Variants in GSN observed in about 807,000 individuals in gnomAD.
GSN encodes gelsolin, also known as actin-depolymerizing factor.
In GSN, 56 loss-of-function variants were observed where a neutral mutation model predicts 85.7. That is an observed-to-expected ratio of 0.65 (90% CI 0.53 to 0.82). The LOEUF (loss-of-function observed/expected upper bound fraction) is 0.82. GSN is among the 40% of genes least tolerant of loss of function. GSN has a pLI of 0.00. For missense variants in GSN, 857 were observed against 979.8 expected (o/e 0.87, Z 1.67); for synonymous variants, 373 against 399.1 (o/e 0.93, Z 0.78).
chr9:121,299,769 G>A lies in GSN; in HGVS notation c.-9-2194G>A. On this transcript the variant is annotated intron_variant, in intron 2 of 17. Coordinates refer to ENST00000432226, the MANE Select transcript of GSN (RefSeq NM_198252.3). This position sits in a 1 kb window ranked among gnomAD's most constrained non-coding sequence, Gnocchi z 4.2. The stretch of plus-strand genomic sequence containing the variant: ...CGCCCCGCGCCCTCCCTGGGGGGCG[G>A]TCCCCGGCTTGGGCGGGATGGGCGG... 1 of 1,204,588 alleles carries A rather than the reference G, an allele frequency of 8.3e-7. No individual in the cohort carries two copies. Among genetic ancestry groups the A allele is most frequent in the South Asian group, 2.3e-5 (1 of 43,434 alleles). 74.6% of individuals were successfully genotyped at this position (1,204,588 alleles called of 1,614,324 possible).
intron 4 of GSN, among the ~76,000 whole-genome samples, chr9:121,305,403 AT>A (rs2060296627): frequency 6.6e-6 from 1 of 152,158 alleles, no homozygotes; most frequent in Admixed American, 6.5e-5. Context: ...TGCTTTACTC[AT>A]TTAACTCATT....
chr9:121,322,668 C>T (rs2062623755), intron 11 of GSN, among the ~76,000 whole-genome samples: 1 of 152,172 alleles, frequency 6.6e-6, no homozygotes, highest in South Asian at 2.1e-4. Flanking sequence ...ACCAAGCAAC[C>T]TGTGAGAGTC....
chr9:121,220,859 GA>G (rs1164758432), intron 4 of GSN, among the ~76,000 whole-genome samples: 1 of 152,184 alleles, frequency 6.6e-6, no homozygotes, highest in Non-Finnish European at 1.5e-5. Context: ...TTATGGAAAT[GA>G]AGTTGATTTT....
chr9:121,256,606 G>A (rs940514032), intron 6 of GSN, among the ~76,000 whole-genome samples: 7 of 152,148 alleles, frequency 4.6e-5, no homozygotes, highest in African/African-American at 1.7e-4. Flanking sequence ...GGCTGGGCTC[G>A]GTGGCTTATG....
intron 4 of GSN, among the ~76,000 whole-genome samples, chr9:121,214,202 C>A (rs1316876062): frequency 6.7e-6 from 1 of 149,072 alleles, no homozygotes. Context: ...TCCTTCCTTC[C>A]TTCCTTCCTT....
rs306769 is a variant in GSN, at chr9:121,326,490, T to G, written c.1417-22T>G. 1 of 1,610,128 alleles carries G rather than the reference T, an allele frequency of 6.2e-7. No individual in the cohort carries two copies. Among genetic ancestry groups the G allele is most frequent in the Non-Finnish European group, 8.5e-7 (1 of 1,177,442 alleles). ...AAGCCTGCCCCCAAGGTCCCTGACT[T>G]GCTCTCCTGTCTCCCTGCCAGAGCC... is the stretch of plus-strand genomic sequence containing the variant. On this transcript the variant is annotated intron_variant, in intron 12 of 17. Transcript: ENST00000432226.
chr9:121,316,492 AC>A (rs2061716420), intron 7 of GSN, among the ~76,000 whole-genome samples: 1 of 151,948 alleles, frequency 6.6e-6, no homozygotes, highest in South Asian at 2.1e-4. Context: ...TATTTTTGAG[AC>A]AGAGTCTGGC....
chr9:121,219,037 G>T (rs2054118975), intron 4 of GSN, among the ~76,000 whole-genome samples: 1 of 152,174 alleles, frequency 6.6e-6, no homozygotes, highest in South Asian at 2.1e-4. Context: ...CATGACACCT[G>T]AAGTCCAATA....
At chr9:121,205,624 A>G (rs970887113), upstream of GSN, among the ~76,000 whole-genome samples, 2 of 152,158 alleles carry the variant, frequency 1.3e-5, no homozygotes, top group Admixed American at 1.3e-4. Flanking sequence ...AGAAGTGTCC[A>G]TCAGAGAGGA....
rs113692594 is a variant in GSN at position 121,227,548 on chromosome 9, G to T, written c.-527-3617G>T. Among the ~76,000 whole-genome samples the T allele has an allele frequency of 5.8e-3, 885 of 152,182 alleles. 10 individuals carry two copies. Among genetic ancestry groups the T allele is most frequent in the African/African-American group, 0.02 (845 of 41,508 alleles). ...AAGTGTAGATGATAACCTACTACTTGCAATGTGTATCTGAAGTGGGAAACA... is the reference window on the plus strand; with the variant it reads ...AAGTGTAGATGATAACCTACTACTTTCAATGTGTATCTGAAGTGGGAAACA... On this transcript the variant is annotated intron_variant, in intron 4 of 24. Transcript: ENST00000373823.
intron 5 of GSN, among the ~76,000 whole-genome samples, chr9:121,235,883 G>T (rs1317546607): frequency 6.6e-6 from 1 of 152,194 alleles, no homozygotes; most frequent in Non-Finnish European, 1.5e-5. Flanking sequence ...AAAGCCTTTT[G>T]GTGAACACCT....
intron 2 of GSN, among the ~76,000 whole-genome samples, chr9:121,296,489 A>T (rs962622510): frequency 6.6e-6 from 1 of 152,106 alleles, no homozygotes; most frequent in Non-Finnish European, 1.5e-5. Flanking sequence ...TAGGTCCTGG[A>T]TTTGGTTGTA....
intron 4 of GSN, among the ~76,000 whole-genome samples, chr9:121,214,762 T>G (rs2054029226): frequency 6.6e-6 from 1 of 152,294 alleles, no homozygotes; most frequent in South Asian, 2.1e-4. Context: ...TAAGTTCTTA[T>G]CTTTTCTCTT....
At chr9:121,267,734 C>T (rs1486574827), upstream of GSN, among the ~76,000 whole-genome samples, 1 of 152,210 alleles carries the variant, frequency 6.6e-6, no homozygotes, top group Non-Finnish European at 1.5e-5. Context: ...TGCATGCAGC[C>T]TATGTCACTC....
At chr9:121,287,345 AG>A (rs1449747025) in intron 2 of GSN, among the ~76,000 whole-genome samples, 1 of 152,152 alleles carries the variant, frequency 6.6e-6, no homozygotes, top group Non-Finnish European at 1.5e-5. Context: ...AGGTCTGACC[AG>A]GCCCCTCTCC....
At chr9:121,203,262 A>T (rs905859007), upstream of GSN, 2 of 152,040 alleles carry the variant, frequency 1.3e-5, no homozygotes, top group African/African-American at 4.8e-5. Flanking sequence ...CACTAGATAG[A>T]GTGTCTGCAC....
intron 7 of GSN, 61 bp downstream of exon 7, chr9:121,314,084 G>A: frequency 1.0e-5 from 13 of 1,287,058 alleles, no homozygotes; most frequent in Non-Finnish European, 1.5e-5. Flanking sequence ...TGGAAGACTT[G>A]GTCTTCCCCA....
intron 6 of GSN, among the ~76,000 whole-genome samples, chr9:121,251,058 T>C (rs1173341451): frequency 1.3e-5 from 2 of 151,754 alleles, no homozygotes; most frequent in Non-Finnish European, 2.9e-5. Flanking sequence ...ACTCCTGAGC[T>C]CTAGCTATCC....
chr9:121,324,826 T>A (rs1378420653), intron 12 of GSN, among the ~76,000 whole-genome samples, 182 bp downstream of exon 12: 2 of 152,164 alleles, frequency 1.3e-5, no homozygotes, highest in Admixed American at 1.3e-4. Flanking sequence ...GGCTTCCATG[T>A]GTTCCACACT....
Sources: allele counts gnomAD v4.1 joint callset (sites outside exome capture counted in the v4.1 genomes callset), GRCh38; gene constraint gnomAD v4.1.1; non-coding constraint Gnocchi (gnomAD v3.1); transcripts MANE v1.5; gene names NCBI Gene and HGNC (gene_info 2026-07-23, HGNC 2026-07-21).